Variants in VIT observed in about 807,000 individuals in gnomAD.
VIT encodes the protein vitrin.
VIT carries 99 observed loss-of-function variants against 78.0 expected under a neutral mutation model. That is an observed-to-expected ratio of 1.27 (90% CI 1.08 to 1.50). VIT has a LOEUF of 1.50. Among genes scored for constraint, VIT ranks in the 40% most tolerant of loss-of-function variants. The pLI, the probability that VIT is intolerant of heterozygous loss-of-function variation, is 0.00. For synonymous variants in VIT, 374 were observed against 334.3 expected (o/e 1.12, Z -1.29); for missense variants, 1,126 against 875.3 (o/e 1.29, Z -3.61).
chr2:36,744,298 G>A (rs1668008778), intron 4 of VIT, among the ~76,000 whole-genome samples: 1 of 152,110 alleles, frequency 6.6e-6, no homozygotes, highest in Non-Finnish European at 1.5e-5. Context: ...TTGGTGGAAG[G>A]ATTTATTTTC....
At chr2:36,810,342 G>T (rs946050979) in intron 15 of VIT, among the ~76,000 whole-genome samples, 1 of 152,118 alleles carries the variant, frequency 6.6e-6, no homozygotes, top group Non-Finnish European at 1.5e-5. Flanking sequence ...ATTTCTAAGA[G>T]GGCAACAAAA....
Position 36,805,553 on chromosome 2 carries a change from G to A in VIT, c.1278G>A (p.Glu426=), listed in dbSNP as rs1199682767. ...MVDGWPTDKV[E]EASRLARESG... ...ATGGCTGGCCCACGGACAAAGTGGA[G>A]GAGGCTTCAAGACTTGCGAGAGAGT... is the stretch of plus-strand genomic sequence containing the variant. Residue 426 remains glutamate, a synonymous_variant, in exon 14 of 16, where the codon GAG becomes GAA. Transcript: ENST00000379242. 2 of 1,614,156 alleles carry A rather than the reference G, an allele frequency of 1.2e-6. No individual in the cohort carries two copies. Among genetic ancestry groups the A allele is most frequent in the East Asian group, 4.5e-5 (2 of 44,884 alleles).
chr2:36,796,724 C>G (rs2148656823), intron 12 of VIT, among the ~76,000 whole-genome samples: 1 of 152,122 alleles, frequency 6.6e-6, no homozygotes, highest in Non-Finnish European at 1.5e-5. Context: ...GTCTTGGCCT[C>G]TCAAAGTGCT....
intron 1 of VIT, among the ~76,000 whole-genome samples, chr2:36,714,766 A>G (rs1666019675): frequency 6.6e-6 from 1 of 152,146 alleles, no homozygotes; most frequent in Non-Finnish European, 1.5e-5. Context: ...CGGTTATGAC[A>G]TTTAACTTCT....
chr2:36,745,618 T>C (rs1454353538), intron 4 of VIT, among the ~76,000 whole-genome samples: 2 of 152,136 alleles, frequency 1.3e-5, no homozygotes, highest in East Asian at 3.8e-4. Context: ...AGCTTGAACA[T>C]TATATACAGA....
chr2:36,808,683 C>T lies in VIT; in HGVS notation c.1601C>T (p.Thr534Ile). ...TTCCGCACCGTCCTCCAGTTTGTGA[C>T]CAACCTCACCAAAGAGTTTGAGATT... ...GNFRTVLQFV[T>I]NLTKEFEISD... The change falls in exon 15 of 16, where the codon ACC becomes ATC. Residue 534 changes from threonine (T) to isoleucine (I), a missense_variant. Transcript: ENST00000379242. The T allele has an allele frequency of 6.2e-7, 1 of 1,614,236 alleles. No homozygotes were observed.
intron 2 of VIT, among the ~76,000 whole-genome samples, chr2:36,728,103 G>A (rs768667381): frequency 9.2e-5 from 14 of 151,728 alleles, no homozygotes; most frequent in Non-Finnish European, 1.5e-4. Flanking sequence ...TAATATTTTT[G>A]TATTTTTAGT....
Position 36,724,591 on chromosome 2 carries a change from T to A in VIT, c.53-4835T>A, listed in dbSNP as rs1325082965. 2.0e-5 allele frequency among the ~76,000 whole-genome samples: 3 copies of A among 152,170 alleles called. No individual in the cohort carries two copies. The East Asian group carries it at 5.8e-4, about 29-fold the overall frequency. On this transcript the variant is annotated intron_variant, in intron 2 of 15. Coordinates refer to ENST00000379242, the MANE Select transcript of VIT (RefSeq NM_053276.4). ...CACAAGCACATTTGCAGACCAGCTGTCCCCTGGAGGAATGGTTTCTGAGGA... is the reference window on the plus strand; with the variant it reads ...CACAAGCACATTTGCAGACCAGCTGACCCCTGGAGGAATGGTTTCTGAGGA...
chr2:36,794,246 C>T (rs1265245405), intron 12 of VIT, among the ~76,000 whole-genome samples: 1 of 152,204 alleles, frequency 6.6e-6, no homozygotes, highest in African/African-American at 2.4e-5. Context: ...CCTCCAAACA[C>T]AGAACAATCT....
chr2:36,806,475 C>T (rs1666735545), intron 14 of VIT, among the ~76,000 whole-genome samples: 1 of 151,666 alleles, frequency 6.6e-6, no homozygotes, highest in Non-Finnish European at 1.5e-5. Flanking sequence ...TTGACCTCCC[C>T]AGGTCTACAC....
chr2:36,764,876 T>C (rs1390776317), intron 6 of VIT, among the ~76,000 whole-genome samples: 2 of 152,126 alleles, frequency 1.3e-5, no homozygotes, highest in African/African-American at 4.8e-5. Context: ...TGTTATACAA[T>C]GTCAAAGGGG....
chr2:36,698,215 C>T (rs1051014425), intron 1 of VIT, among the ~76,000 whole-genome samples: 2 of 152,000 alleles, frequency 1.3e-5, no homozygotes, highest in African/African-American at 2.4e-5. Context: ...TCTTATGCCT[C>T]ACCACTAAAA....
At chr2:36,778,190 A>G (rs1196176323) in intron 9 of VIT, among the ~76,000 whole-genome samples, 7 of 152,226 alleles carry the variant, frequency 4.6e-5, no homozygotes, top group African/African-American at 1.2e-4. Flanking sequence ...ACACGAATCA[A>G]GTATTTTCAA....
chr2:36,706,772 G>A (rs1341520699), intron 1 of VIT, among the ~76,000 whole-genome samples: 1 of 152,232 alleles, frequency 6.6e-6, no homozygotes, highest in Non-Finnish European at 1.5e-5. Context: ...AGTTGTAGAT[G>A]TAACCAGGCT....
chr2:36,793,999 T>C (rs1190189608), intron 12 of VIT, among the ~76,000 whole-genome samples: 1 of 152,224 alleles, frequency 6.6e-6, no homozygotes, highest in Admixed American at 6.5e-5. Context: ...TATAGTTTAG[T>C]AAGTGCCTTA....
chr2:36,802,616 A>G lies in VIT; in HGVS notation c.1162+1212A>G, dbSNP rs762485004. 1.1e-3 allele frequency among the ~76,000 whole-genome samples: 165 copies of G among 152,246 alleles called. 1 individual carries two copies. The highest frequency in any genetic ancestry group is 1.7e-3 in the Non-Finnish European group (117 of 68,038). On this transcript the variant is annotated intron_variant, in intron 13 of 15. Coordinates refer to ENST00000379242, the MANE Select transcript of VIT (RefSeq NM_053276.4). ...AAGCAGTATTACCTTCATCACACAC[A>G]TGACAGAGTTGATTTCTGGTTTGTT...
intron 4 of VIT, among the ~76,000 whole-genome samples, chr2:36,753,555 A>C (rs12997998): frequency 0.38 from 57,475 of 152,114 alleles, 11,764 homozygotes; most frequent in Non-Finnish European, 0.47. Context: ...TGTGAGAACA[A>C]GATTCTAAGG....
intron 2 of VIT, 107 bp from the exon 3 acceptor site, chr2:36,729,319 C>T: frequency 1.1e-6 from 1 of 924,766 alleles, no homozygotes; most frequent in South Asian, 2.0e-5. Flanking sequence ...AAAATTAGTT[C>T]TGCCATGGAG....
At chr2:36,776,294 G>A (rs1359168820) in intron 9 of VIT, among the ~76,000 whole-genome samples, 1 of 152,172 alleles carries the variant, frequency 6.6e-6, no homozygotes, top group Non-Finnish European at 1.5e-5. Context: ...ATGTTGTTGT[G>A]AGGACAGATT....
Sources: allele counts gnomAD v4.1 joint callset (sites outside exome capture counted in the v4.1 genomes callset), GRCh38; gene constraint gnomAD v4.1.1; transcripts MANE v1.5; gene names NCBI Gene and HGNC (gene_info 2026-07-23, HGNC 2026-07-21).